Variants in AGBL4 observed in about 807,000 individuals in gnomAD.
AGBL4 encodes the protein AGBL carboxypeptidase 4.
Under a neutral mutation model 66.4 loss-of-function variants are expected in AGBL4, and 58 were observed. The observed-to-expected ratio is 0.87, with a 90% CI of 0.71 to 1.09. The LOEUF is 1.09. Among genes scored for constraint, AGBL4 ranks in the 50% least tolerant of loss-of-function variants. The pLI is 0.00. For missense variants in AGBL4, 579 were observed against 631.0 expected, an observed-to-expected ratio of 0.92 and a Z score of 0.88; for synonymous variants, 234 against 222.9, an observed-to-expected ratio of 1.05 and a Z score of -0.44.
intron 3 of AGBL4, among the ~76,000 whole-genome samples, chr1:49,303,433 G>C (rs1377506406): frequency 1.3e-5 from 1 of 76,128 alleles, no homozygotes; most frequent in African/African-American, 6.7e-5. Flanking sequence ...TTTCATGTTT[G>C]CTGGCTGCAT....
chr1:48,575,067 G>A (rs151267315), intron 11 of AGBL4, among the ~76,000 whole-genome samples: 120 of 152,244 alleles, frequency 7.9e-4, no homozygotes, highest in African/African-American at 2.8e-3. Flanking sequence ...GAAGGATGGA[G>A]GCCCTTTGTC....
intron 6 of AGBL4, among the ~76,000 whole-genome samples, chr1:48,848,031 C>T (rs1043681841): frequency 6.6e-6 from 1 of 152,160 alleles, no homozygotes; most frequent in Non-Finnish European, 1.5e-5. Context: ...CCCTCTTTCT[C>T]AGAGGGAAGA....
chr1:49,919,027 T>C (rs1388424097), intron 1 of AGBL4, among the ~76,000 whole-genome samples: 2 of 152,144 alleles, frequency 1.3e-5, no homozygotes, highest in Non-Finnish European at 2.9e-5. Flanking sequence ...TTGACAAAAT[T>C]CAACATCCCT....
chr1:49,675,122 A>G (rs1229719543), intron 3 of AGBL4, among the ~76,000 whole-genome samples: 4 of 152,092 alleles, frequency 2.6e-5, no homozygotes, highest in Admixed American at 2.6e-4. Context: ...TGGATCATCT[A>G]ATCTAGTGAT....
intron 2 of AGBL4, among the ~76,000 whole-genome samples, chr1:49,758,778 C>T (rs902521416): frequency 2.6e-5 from 4 of 151,106 alleles, no homozygotes; most frequent in Non-Finnish European, 5.9e-5. Context: ...TGGCCTTGGA[C>T]TTTTGAGTTA....
At chr1:49,335,737 A>G (rs558408548) in intron 3 of AGBL4, among the ~76,000 whole-genome samples, 344 of 152,150 alleles carry the variant, frequency 2.3e-3, no homozygotes, top group African/African-American at 5.8e-3. Context: ...GGATGGTCTC[A>G]ATCTCCTGAC....
chr1:49,718,070 A>C (rs1306821099), intron 2 of AGBL4, among the ~76,000 whole-genome samples: 3 of 152,080 alleles, frequency 2.0e-5, no homozygotes, highest in Admixed American at 2.0e-4. Context: ...GCTATGTAAA[A>C]GTGGGTGATA....
At chr1:49,093,598 G>C (rs906248519) in intron 4 of AGBL4, among the ~76,000 whole-genome samples, 1 of 152,154 alleles carries the variant, frequency 6.6e-6, no homozygotes, top group African/African-American at 2.4e-5. Context: ...TGTTCACATT[G>C]TGTGATTCTG....
At chr1:49,334,355 G>A (rs1645393406) in intron 3 of AGBL4, among the ~76,000 whole-genome samples, 1 of 152,116 alleles carries the variant, frequency 6.6e-6, no homozygotes, top group South Asian at 2.1e-4. Flanking sequence ...AAATTTGGAA[G>A]GTGATTTGAC....
chr1:49,836,973 G>A (rs749313273), intron 2 of AGBL4, among the ~76,000 whole-genome samples: 71 of 152,164 alleles, frequency 4.7e-4, no homozygotes, highest in Non-Finnish European at 8.4e-4. Flanking sequence ...AGAGGCACCT[G>A]CCAGATGCCA....
chr1:48,922,605 C>A (rs1654173938), intron 5 of AGBL4, among the ~76,000 whole-genome samples: 2 of 152,138 alleles, frequency 1.3e-5, no homozygotes, highest in Non-Finnish European at 1.5e-5. Flanking sequence ...ATACTAGGCA[C>A]CGGACTTAGA....
chr1:49,520,916 C>T (rs1156837245), intron 3 of AGBL4, among the ~76,000 whole-genome samples: 1 of 150,880 alleles, frequency 6.6e-6, no homozygotes, highest in Non-Finnish European at 1.5e-5. Flanking sequence ...TCAAGCAATT[C>T]TCCTGCCTCA....
At chr1:49,301,225 C>A (rs1644739195) in intron 3 of AGBL4, among the ~76,000 whole-genome samples, 1 of 152,114 alleles carries the variant, frequency 6.6e-6, no homozygotes, top group South Asian at 2.1e-4. Flanking sequence ...ACAATTAGAC[C>A]CTCTACTGAT....
At chr1:49,045,225 C>A (rs1557592617) in intron 5 of AGBL4, among the ~76,000 whole-genome samples, 1 of 152,058 alleles carries the variant, frequency 6.6e-6, no homozygotes, top group Admixed American at 6.6e-5. Context: ...GCTTTCATAC[C>A]TTTTGTAACA....
intron 6 of AGBL4, among the ~76,000 whole-genome samples, chr1:48,668,562 A>G (rs556594694): frequency 6.6e-6 from 1 of 152,198 alleles, no homozygotes; most frequent in East Asian, 1.9e-4. Context: ...CACACTGGGC[A>G]CATGTTCTGT....
At chr1:48,735,871 A>T (rs941455315) in intron 6 of AGBL4, among the ~76,000 whole-genome samples, 1 of 151,826 alleles carries the variant, frequency 6.6e-6, no homozygotes, top group Non-Finnish European at 1.5e-5. Flanking sequence ...CACCATACAC[A>T]TCTGTGTCTC....
chr1:49,080,979 A>G (rs1204406327), intron 4 of AGBL4, among the ~76,000 whole-genome samples: 3 of 152,158 alleles, frequency 2.0e-5, no homozygotes, highest in Non-Finnish European at 2.9e-5. Flanking sequence ...TCATTATTAT[A>G]TTTGAAATTT....
intron 2 of AGBL4, among the ~76,000 whole-genome samples, chr1:49,701,093 G>A (rs1423884088): frequency 6.6e-6 from 1 of 151,912 alleles, no homozygotes; most frequent in African/African-American, 2.4e-5. Flanking sequence ...GAATTCATCA[G>A]GATGGTAAAA....
At chr1:49,760,409 G>T (rs562128262) in intron 2 of AGBL4, among the ~76,000 whole-genome samples, 2 of 151,968 alleles carry the variant, frequency 1.3e-5, no homozygotes, top group Admixed American at 6.6e-5. Context: ...GCCAACACAT[G>T]TATGAAAAAA....
Sources: gnomAD v4.1 joint callset for allele counts (sites outside exome capture counted in the v4.1 genomes callset) on GRCh38, gnomAD v4.1.1 for gene constraint, MANE v1.5 for transcripts, NCBI Gene and HGNC (gene_info 2026-07-23, HGNC 2026-07-21) for gene names.